Variants in PPP1R13B observed in about 807,000 individuals in gnomAD.
PPP1R13B encodes the protein apoptosis-stimulating of p53 protein 1.
A neutral mutation model predicts 119.8 loss-of-function variants in PPP1R13B; 44 were observed. The ratio of observed to expected loss-of-function variants is 0.37; its 90% CI spans 0.29 to 0.47. PPP1R13B has a LOEUF of 0.47. Ranked by LOEUF, PPP1R13B falls within the 20% of genes least tolerant of loss-of-function variation. The probability of loss-of-function intolerance (pLI) is 0.99; values close to 1 mark genes in which losing one functional copy is unlikely to be tolerated. For missense variants in PPP1R13B, 1,227 were observed against 1,413.5 expected (o/e 0.87, Z 2.12); for synonymous variants, 542 against 561.5 (o/e 0.97, Z 0.49).
chr14:103,835,323 C>T (rs561629031), intron 1 of PPP1R13B, among the ~76,000 whole-genome samples: 1 of 151,932 alleles, frequency 6.6e-6, no homozygotes, highest in Non-Finnish European at 1.5e-5. Context: ...TGGAGTTTTG[C>T]CATGATGGCC....
intron 1 of PPP1R13B, among the ~76,000 whole-genome samples, chr14:103,842,487 G>C (rs1473177816): frequency 6.6e-6 from 1 of 151,704 alleles, no homozygotes; most frequent in Non-Finnish European, 1.5e-5. Context: ...ATTTTTAGTA[G>C]AGATGGGGTT....
At chr14:103,812,299 T>G (rs148075732) in intron 1 of PPP1R13B, among the ~76,000 whole-genome samples, 1 of 151,110 alleles carries the variant, frequency 6.6e-6, no homozygotes, top group East Asian at 2.0e-4. Context: ...AATTTTTGTA[T>G]ATTTTTAGTA....
chr14:103,838,139 G>A (rs1226979282), intron 1 of PPP1R13B, among the ~76,000 whole-genome samples: 1 of 151,488 alleles, frequency 6.6e-6, no homozygotes, highest in South Asian at 2.1e-4. Context: ...AATAAATAAA[G>A]TAAATAACAA....
chr14:103,834,581 C>CTTTT (rs1157222905), intron 1 of PPP1R13B, among the ~76,000 whole-genome samples: 6 of 89,376 alleles, frequency 6.7e-5, no homozygotes, highest in South Asian at 4.0e-4. Flanking sequence ...ATTTTAATGT[C>CTTTT]TTTTTTTTTT....
Sources: allele counts gnomAD v4.1 joint callset (sites outside exome capture counted in the v4.1 genomes callset), GRCh38; gene constraint gnomAD v4.1.1; transcripts MANE v1.5; gene names NCBI Gene and HGNC (gene_info 2026-07-23, HGNC 2026-07-21).